Variants in IFT46 observed in about 807,000 individuals in gnomAD.
IFT46 encodes the protein intraflagellar transport protein 46 homolog.
A neutral mutation model predicts 39.6 loss-of-function variants in IFT46; 19 were observed. The ratio of observed to expected loss-of-function variants is 0.48; its 90% CI spans 0.33 to 0.70. IFT46 has a LOEUF of 0.70. IFT46 is among the 30% of genes least tolerant of loss of function. The pLI, the probability that IFT46 is intolerant of heterozygous loss-of-function variation, is 0.01. For missense variants in IFT46, 334 were observed against 364.8 expected (o/e 0.92, Z 0.69); for synonymous variants, 117 against 134.8 (o/e 0.87, Z 0.91).
chr11:118,546,030 A>C (rs1951676051), intron 9 of IFT46, 177 bp from the exon 10 acceptor site: 2 of 711,630 alleles, frequency 2.8e-6, no homozygotes, highest in South Asian at 3.0e-5. Context: ...ATGTGACTAT[A>C]TTTGGAGATA....
chr11:118,564,375 A>G (rs1938158881), intron 2 of IFT46, among the ~76,000 whole-genome samples: 4 of 151,784 alleles, frequency 2.6e-5, no homozygotes, highest in Non-Finnish European at 5.9e-5. Flanking sequence ...AACACTATTT[A>G]CCCAAGTGCC....
intron 3 of IFT46, chr11:118,557,505 C>T: frequency 5.7e-6 from 3 of 528,406 alleles, no homozygotes; most frequent in Non-Finnish European, 9.9e-6. Flanking sequence ...GCAAGACTGC[C>T]CAGCATAAGC....
intron 9 of IFT46, chr11:118,546,295 C>T (rs1565343207): frequency 6.4e-6 from 4 of 627,510 alleles, no homozygotes; most frequent in Non-Finnish European, 8.7e-6. Context: ...CCTAGGAGTT[C>T]GAGACCAGCC....
chr11:118,545,924 G>C (rs1951673475), intron 9 of IFT46, 71 bp from the exon 10 acceptor site: 3 of 1,308,418 alleles, frequency 2.3e-6, no homozygotes, highest in South Asian at 1.2e-5. Flanking sequence ...CTCTCTCTCT[G>C]AAGCAAAAGA....
chr11:118,557,797 T>C (rs782000605), intron 3 of IFT46: 3 of 1,613,976 alleles, frequency 1.9e-6, no homozygotes, highest in African/African-American at 1.3e-5. Flanking sequence ...TGAGAAGGGG[T>C]CTGGTGGCAC....
At chr11:118,550,424 A>G (rs1455399917) in intron 9 of IFT46, among the ~76,000 whole-genome samples, 1 of 152,056 alleles carries the variant, frequency 6.6e-6, no homozygotes, top group Non-Finnish European at 1.5e-5. Context: ...TGTATCTCCT[A>G]TATTTTATTA....
At chr11:118,569,150 A>G (rs1365762268), upstream of IFT46, among the ~76,000 whole-genome samples, 2 of 151,764 alleles carry the variant, frequency 1.3e-5, no homozygotes, top group African/African-American at 4.8e-5. Context: ...GTGGTCGTCC[A>G]TGCCTGTAAT....
At chr11:118,564,863 C>T (rs1238507732) in intron 2 of IFT46, 102 bp downstream of exon 2, 1 of 152,468 alleles carries the variant, frequency 6.6e-6, no homozygotes, top group Non-Finnish European at 1.5e-5. Context: ...AGTAAATTGA[C>T]GCTGAAAGTC....
chr11:118,554,726 T>A lies in IFT46; in HGVS notation c.355-139A>T. 22 of 922,986 alleles carry A rather than the reference T, an allele frequency of 2.4e-5. No homozygotes were observed. In the South Asian group the frequency reaches 3.7e-4, roughly 16 times the overall value. 57.2% of individuals were successfully genotyped at this position (922,986 alleles called of 1,614,324 possible). A position where few individuals can be genotyped will look rare whatever the true frequency, so the allele number is the denominator to read the frequency against. Reference sequence around the variant, plus strand: ...TACGCAATACTATCCAGAAAAAAAATATTATCCATAGCAGCTTAAATATGA... The same window carrying A: ...TACGCAATACTATCCAGAAAAAAAAAATTATCCATAGCAGCTTAAATATGA... On this transcript the variant is annotated intron_variant, in intron 6 of 11. Transcript: ENST00000264021.
At chr11:118,559,290 A>C (rs1555070145) in intron 3 of IFT46, among the ~76,000 whole-genome samples, 1 of 152,186 alleles carries the variant, frequency 6.6e-6, no homozygotes. Flanking sequence ...ACAGAATAAC[A>C]GCAGCCAACA....
At chr11:118,546,307 G>A in intron 9 of IFT46, 1 of 609,584 alleles carries the variant, frequency 1.6e-6, no homozygotes, top group Non-Finnish European at 3.0e-6. Flanking sequence ...AGACCAGCCT[G>A]GGCAACATGG....
At chr11:118,572,468 G>C in intron 1 of IFT46, 2 of 1,523,220 alleles carry the variant, frequency 1.3e-6, no homozygotes, top group South Asian at 2.3e-5. Flanking sequence ...GTCCAGAGCT[G>C]CTGGTGCTCC....
upstream of IFT46, chr11:118,573,779 C>T (rs1427105693): frequency 4.9e-6 from 3 of 610,972 alleles, no homozygotes; most frequent in South Asian, 1.8e-5. Context: ...TTTTCTCAGC[C>T]TCAGGTATAT....
rs1951668605 is a variant in IFT46, at chr11:118,545,789, T to G, written c.733+4A>C. 6.2e-7 allele frequency: 1 copy of G among 1,613,864 alleles called. No individual in the cohort carries two copies. Among genetic ancestry groups the G allele is most frequent in the Admixed American group, 1.7e-5 (1 of 59,994 alleles). ...GGGGACGAGGAAAGGAAAGAGGAAC[T>G]CACCACAGATCATGTCAATGTACTC... is the stretch of plus-strand genomic sequence containing the variant. On this transcript the variant is annotated splice_donor_region_variant and intron_variant, in intron 10 of 11. Coordinates refer to ENST00000264021, the MANE Select transcript of IFT46 (RefSeq NM_001168618.2).
intron 1 of IFT46, among the ~76,000 whole-genome samples, chr11:118,571,931 T>C (rs1402809055): frequency 6.6e-6 from 1 of 151,688 alleles, no homozygotes; most frequent in African/African-American, 2.4e-5. Flanking sequence ...CAACTAAAAA[T>C]ACAAAAAACA....
At chr11:118,573,253 C>T (rs1938396819), upstream of IFT46, among the ~76,000 whole-genome samples, 1 of 152,146 alleles carries the variant, frequency 6.6e-6, no homozygotes, top group South Asian at 2.1e-4. Flanking sequence ...CAGGGTTTGC[C>T]TTCAAGGAAC....
intron 9 of IFT46, among the ~76,000 whole-genome samples, chr11:118,549,742 C>G (rs762664128): frequency 6.6e-6 from 1 of 151,402 alleles, no homozygotes; most frequent in African/African-American, 2.4e-5. Flanking sequence ...CTAGGATGGT[C>G]TCGATCTCTT....
At position 118,557,689 on chromosome 11, in the gene IFT46, A is replaced by G. The variant is rs782489449; in HGVS notation, c.46-644T>C. 227 of 1,605,406 alleles carry G rather than the reference A, an allele frequency of 1.4e-4. 1 individual carries two copies. The highest frequency in any genetic ancestry group is 1.6e-4 in the Non-Finnish European group (191 of 1,173,460). The stretch of plus-strand genomic sequence containing the variant: ...CATAAATTACATAAAATGACTACAC[A>G]TTCTCTCTCAAGATAAACAGCTCTT... On this transcript the variant is annotated intron_variant, in intron 3 of 11. Coordinates refer to ENST00000264021, the MANE Select transcript of IFT46 (RefSeq NM_001168618.2).
rs782143718 is a variant in IFT46, at chr11:118,554,976, T to C, written c.354+14A>G. 18 of 1,556,208 alleles carry C rather than the reference T, an allele frequency of 1.2e-5. No individual in the cohort carries two copies. In the South Asian group the frequency reaches 1.4e-4, roughly 12 times the overall value. ...AACACTTAAGGAGTCATTTTCAGGATGTACTGACTATACCTTTAAGAATGC... is the reference window on the plus strand; with the variant it reads ...AACACTTAAGGAGTCATTTTCAGGACGTACTGACTATACCTTTAAGAATGC... On this transcript the variant is annotated intron_variant, in intron 6 of 11. Transcript: ENST00000264021.
Sources: allele counts gnomAD v4.1 joint callset (sites outside exome capture counted in the v4.1 genomes callset), GRCh38; gene constraint gnomAD v4.1.1; transcripts MANE v1.5; gene names NCBI Gene and HGNC (gene_info 2026-07-23, HGNC 2026-07-21).